The following KCNAB1 variants were observed in gnomAD, a reference collection of about 807,000 sequenced individuals.
KCNAB1 encodes voltage-gated potassium channel subunit beta-1.
A neutral mutation model predicts 64.6 loss-of-function variants in KCNAB1; 35 were observed. The ratio of observed to expected loss-of-function variants is 0.54; its 90% CI spans 0.41 to 0.72. KCNAB1 has a LOEUF of 0.72. KCNAB1 is among the 30% of genes least tolerant of loss of function. KCNAB1 has a pLI of 0.00. For synonymous variants in KCNAB1, 177 were observed against 183.8 expected (o/e 0.96, Z 0.30); for missense variants, 401 against 512.9 (o/e 0.78, Z 2.11).
At chr3:156,264,441 CTTT>C (rs1214018227) in intron 1 of KCNAB1, among the ~76,000 whole-genome samples, 1 of 151,760 alleles carries the variant, frequency 6.6e-6, no homozygotes, top group Admixed American at 6.6e-5. Context: ...TAAATGTCTT[CTTT>C]CTTTTTTGTC....
intron 1 of KCNAB1, among the ~76,000 whole-genome samples, chr3:156,253,222 T>C (rs1233184442): frequency 1.3e-5 from 2 of 152,130 alleles, no homozygotes; most frequent in Non-Finnish European, 2.9e-5. Flanking sequence ...AGTTTAAGAG[T>C]AGCAGTTGTT....
chr3:156,257,076 C>T (rs952552464), intron 1 of KCNAB1, among the ~76,000 whole-genome samples: 10 of 152,330 alleles, frequency 6.6e-5, no homozygotes, highest in African/African-American at 2.4e-4. Flanking sequence ...TACTTCCCTT[C>T]AGGGACATTC....
rs564709002 is a variant in KCNAB1 at position 156,362,529 on chromosome 3, T to C, written c.276-59087T>C. Among the ~76,000 whole-genome samples the C allele has an allele frequency of 4.8e-4, 73 of 152,220 alleles. 1 individual carries two copies. Among genetic ancestry groups the C allele is most frequent in the Non-Finnish European group, 7.6e-4 (52 of 68,032 alleles). On this transcript the variant is annotated intron_variant, in intron 1 of 13. Coordinates refer to ENST00000490337, the MANE Select transcript of KCNAB1 (RefSeq NM_172160.3). ...CTTACTTAGGCTATCTAGCTCAGTT[T>C]CCTCATCTGAAAATTGGAAATAATA...
chr3:156,284,430 G>T (rs1183585726), intron 1 of KCNAB1, among the ~76,000 whole-genome samples: 3 of 152,244 alleles, frequency 2.0e-5, no homozygotes, highest in Admixed American at 6.5e-5. Flanking sequence ...GTTTGTCTGT[G>T]TCCTGCCCCC....
intron 1 of KCNAB1, among the ~76,000 whole-genome samples, chr3:156,235,814 G>T (rs150947617): frequency 3.9e-5 from 6 of 152,234 alleles, no homozygotes; most frequent in Admixed American, 2.6e-4. Flanking sequence ...AACTGCTTGG[G>T]TTGCTCATCA....
intron 1 of KCNAB1, among the ~76,000 whole-genome samples, chr3:156,163,651 T>C (rs1376051321): frequency 3.3e-5 from 5 of 152,234 alleles, no homozygotes; most frequent in Non-Finnish European, 1.5e-5. Flanking sequence ...GGTGATTAAA[T>C]TTCTGCAATG....
At position 156,537,728 on chromosome 3, in the gene KCNAB1, AG is replaced by A. The variant is rs1719154244; in HGVS notation, c.*982del. 1 of 30,576 alleles carries A rather than the reference AG, an allele frequency of 3.3e-5. No individual in the cohort carries two copies. Among genetic ancestry groups the A allele is most frequent in the Non-Finnish European group, 7.6e-5 (1 of 13,178 alleles). The allele number at this position is 30,576 out of a possible 1,614,324, so 1.9% of individuals were successfully genotyped here. On this transcript the variant is annotated 3_prime_UTR_variant, in exon 14 of 14. Transcript: ENST00000490337. ...TTTACAAATAAACATACACATGCTC[AG>A]TTTTTTAAGTAAACCTGTAAAATAC...
chr3:156,427,758 CG>C (rs929567923), intron 2 of KCNAB1, among the ~76,000 whole-genome samples: 8 of 152,072 alleles, frequency 5.3e-5, no homozygotes, highest in African/African-American at 1.9e-4. Flanking sequence ...CGTTGGAGAC[CG>C]GGGAACCTAC....
chr3:156,428,136 G>A (rs773997990), intron 2 of KCNAB1, among the ~76,000 whole-genome samples: 1 of 152,158 alleles, frequency 6.6e-6, no homozygotes, highest in Non-Finnish European at 1.5e-5. Context: ...GTGCACCTAC[G>A]AGGGTGTTTT....
chr3:156,422,799 T>C (rs1715551839), intron 2 of KCNAB1, among the ~76,000 whole-genome samples: 1 of 151,998 alleles, frequency 6.6e-6, no homozygotes, highest in South Asian at 2.1e-4. Context: ...AGGCACATGG[T>C]CTAAGACCTA....
chr3:156,207,138 A>G (rs1714715271), intron 1 of KCNAB1, among the ~76,000 whole-genome samples: 1 of 152,246 alleles, frequency 6.6e-6, no homozygotes. Context: ...CCCAGAAGGC[A>G]GACCTGCATG....
intron 1 of KCNAB1, among the ~76,000 whole-genome samples, chr3:156,161,988 A>G (rs182058248): frequency 6.6e-6 from 1 of 152,346 alleles, no homozygotes; most frequent in East Asian, 1.9e-4. Context: ...AAAACCGAAA[A>G]CTACTCACAT....
chr3:156,238,285 G>A (rs1716962165), intron 1 of KCNAB1, among the ~76,000 whole-genome samples: 1 of 152,064 alleles, frequency 6.6e-6, no homozygotes, highest in Non-Finnish European at 1.5e-5. Context: ...AGCTGGCCAT[G>A]GTGGTGGGCG....
chr3:156,414,348 T>C (rs1307081296), intron 1 of KCNAB1, among the ~76,000 whole-genome samples: 2 of 152,208 alleles, frequency 1.3e-5, no homozygotes, highest in Non-Finnish European at 2.9e-5. Flanking sequence ...ATTTGAAATA[T>C]AGTTCAAAAT....
intron 1 of KCNAB1, among the ~76,000 whole-genome samples, chr3:156,222,323 AAAAGAC>A (rs1715829994): frequency 6.6e-6 from 1 of 152,216 alleles, no homozygotes; most frequent in Non-Finnish European, 1.5e-5. Context: ...CATCAGTTAA[AAAAGAC>A]AAAGAACACT....
intron 1 of KCNAB1, among the ~76,000 whole-genome samples, chr3:156,328,052 A>G (rs948663616): frequency 1.3e-5 from 2 of 152,108 alleles, no homozygotes; most frequent in African/African-American, 4.8e-5. Context: ...CCAACAGCCA[A>G]CATTCCTTCC....
At chr3:156,352,037 C>T (rs1724894838) in intron 1 of KCNAB1, among the ~76,000 whole-genome samples, 1 of 152,210 alleles carries the variant, frequency 6.6e-6, no homozygotes, top group South Asian at 2.1e-4. Flanking sequence ...GAGGCTGGCT[C>T]AGGGGCTGCT....
At chr3:156,162,135 A>T (rs2108311410) in intron 1 of KCNAB1, among the ~76,000 whole-genome samples, 1 of 152,364 alleles carries the variant, frequency 6.6e-6, no homozygotes, top group East Asian at 1.9e-4. Flanking sequence ...GGCACATAAC[A>T]GCCTTTGAAG....
intron 1 of KCNAB1, among the ~76,000 whole-genome samples, chr3:156,151,824 C>G (rs1374587251): frequency 1.3e-5 from 2 of 152,018 alleles, no homozygotes; most frequent in Non-Finnish European, 2.9e-5. Context: ...CACAATAATG[C>G]TCTTTGTGGC....
Sources: gnomAD v4.1 joint callset for allele counts (sites outside exome capture counted in the v4.1 genomes callset) on GRCh38, gnomAD v4.1.1 for gene constraint, MANE v1.5 for transcripts, NCBI Gene and HGNC (gene_info 2026-07-23, HGNC 2026-07-21) for gene names.